The following GPR137B variants were observed in gnomAD, a reference collection of about 807,000 sequenced individuals.
The protein encoded by GPR137B is G protein-coupled receptor 137B.
GPR137B carries 42 observed loss-of-function variants against 42.5 expected under a neutral mutation model. That is an observed-to-expected ratio of 0.99 (90% CI 0.77 to 1.28). The LOEUF is 1.28. GPR137B is among the 50% of genes most tolerant of loss of function. GPR137B has a pLI of 0.00. For synonymous variants in GPR137B, 218 were observed against 209.7 expected, an observed-to-expected ratio of 1.04 and a Z score of -0.34; for missense variants, 487 against 493.9, an observed-to-expected ratio of 0.99 and a Z score of 0.13.
chr1:236,208,152 T>A lies in GPR137B; in HGVS notation c.1194T>A (p.Leu398=). The part of the protein sequence containing the change: ...DSTLDPDKPS[L]G The stretch of plus-strand genomic sequence containing the variant: ...CTTTGGATCCTGACAAACCAAGCCT[T>A]GGGTAGCATCAGTTAACAGTTTTAT... Residue 398 remains leucine, a synonymous_variant, in exon 7 of 7, where the codon CTT becomes CTA. Transcript: ENST00000366592. 6 of 1,613,750 alleles carry A rather than the reference T, an allele frequency of 3.7e-6. No individual in the cohort carries two copies. Among genetic ancestry groups the A allele is most frequent in the Non-Finnish European group, 5.1e-6 (6 of 1,179,756 alleles).
At chr1:236,158,402 C>T (rs1662094179) in intron 1 of GPR137B, among the ~76,000 whole-genome samples, 1 of 152,166 alleles carries the variant, frequency 6.6e-6, no homozygotes, top group Non-Finnish European at 1.5e-5. Flanking sequence ...CCAGCCTAGG[C>T]AACAAAAGTG....
rs1171796581 is a variant in GPR137B at position 236,150,207 on chromosome 1, GTGTCTGTGCCTGTGTGTGCCTGTGTA to G, written c.414+7182_414+7207del. On this transcript the variant is annotated intron_variant, in intron 1 of 6. Coordinates refer to ENST00000366592, the MANE Select transcript of GPR137B (RefSeq NM_003272.4). The surrounding 1 kb of genome is among the most constrained non-coding windows in gnomAD (Gnocchi z 6.2). ...TGTGTGTGTCTGTGTGCCTGTGTGT[GTGTCTGTGCCTGTGTGTGCCTGTGTA>G]TGTCTGTGCCCGTGTGTGTGCCTGT... Among the ~76,000 whole-genome samples, 2 of 150,064 alleles carry G rather than the reference GTGTCTGTGCCTGTGTGTGCCTGTGTA, an allele frequency of 1.3e-5. No individual in the cohort carries two copies. The highest frequency in any genetic ancestry group is 3.0e-5 in the Non-Finnish European group (2 of 67,562).
chr1:236,160,259 G>A (rs1396499962), intron 1 of GPR137B, among the ~76,000 whole-genome samples: 1 of 152,118 alleles, frequency 6.6e-6, no homozygotes, highest in Non-Finnish European at 1.5e-5. Flanking sequence ...GAAAAACCCC[G>A]GTGTTTTCAT....
At chr1:236,166,706 C>T (rs538050910) in intron 1 of GPR137B, among the ~76,000 whole-genome samples, 5 of 151,840 alleles carry the variant, frequency 3.3e-5, no homozygotes, top group Non-Finnish European at 4.4e-5. Flanking sequence ...TAGGAATGGC[C>T]GGGCACAGTG....
chr1:236,203,465 C>T (rs1298048404), intron 5 of GPR137B, among the ~76,000 whole-genome samples: 1 of 152,112 alleles, frequency 6.6e-6, no homozygotes, highest in Non-Finnish European at 1.5e-5. Context: ...TTGATTCTCC[C>T]AGTTTTGTTC....
chr1:236,172,490 C>T (rs1351999005), intron 2 of GPR137B, among the ~76,000 whole-genome samples: 1 of 152,206 alleles, frequency 6.6e-6, no homozygotes, highest in African/African-American at 2.4e-5. Flanking sequence ...CCTCTACCCT[C>T]CCACATCTGC....
At position 236,162,698 on chromosome 1, in the gene GPR137B, G is replaced by T. The variant is rs1475891435; in HGVS notation, c.415-6008G>T. ...CAGAGGGTGGAAGCCCCAAGCCTTG[G>T]CAGCTTCCATGTGTTATTGAGCCTG... On this transcript the variant is annotated intron_variant, in intron 1 of 6. Coordinates refer to ENST00000366592, the MANE Select transcript of GPR137B (RefSeq NM_003272.4). Among the ~76,000 whole-genome samples, 16 of 152,214 alleles carry T rather than the reference G, an allele frequency of 1.1e-4. 1 individual carries two copies. Among genetic ancestry groups the T allele is most frequent in the African/African-American group, 3.9e-4 (16 of 41,460 alleles).
At chr1:236,192,972 G>A (rs1663236904) in intron 5 of GPR137B, among the ~76,000 whole-genome samples, 1 of 151,990 alleles carries the variant, frequency 6.6e-6, no homozygotes, top group Non-Finnish European at 1.5e-5. Context: ...TCAGCTCACT[G>A]CAACCTCTGC....
At chr1:236,162,773 C>G (rs1662236330) in intron 1 of GPR137B, among the ~76,000 whole-genome samples, 1 of 152,220 alleles carries the variant, frequency 6.6e-6, no homozygotes, top group Admixed American at 6.5e-5. Context: ...CGCCTAGATT[C>G]CAGAAGATGT....
At chr1:236,180,161 A>C in intron 4 of GPR137B, 133 bp downstream of exon 4, 1 of 700,734 alleles carries the variant, frequency 1.4e-6, no homozygotes, top group Non-Finnish European at 2.6e-6. Flanking sequence ...TAGTATCTGC[A>C]TATAACCTAC....
At chr1:236,190,148 C>CTTCT (rs61093509) in intron 5 of GPR137B, among the ~76,000 whole-genome samples, 3,882 of 118,886 alleles carry the variant, frequency 0.033, 99 homozygotes, top group East Asian at 0.087. Context: ...CCTGCTTCTT[C>CTTCT]TTTTTTTTTT....
At chr1:236,188,727 G>T (rs10924662) in intron 5 of GPR137B, among the ~76,000 whole-genome samples, 50,495 of 151,958 alleles carry the variant, frequency 0.33, 8,973 homozygotes, top group East Asian at 0.61. Context: ...TTGCCAGTAC[G>T]TTATTGAGGA....
rs188758538 is a variant in GPR137B, at chr1:236,142,562, G to T, written c.-61G>T. 1,146 of 924,296 alleles carry T rather than the reference G, an allele frequency of 1.2e-3. 34 individuals carry two copies. In the East Asian group the frequency reaches 0.039, roughly 32 times the overall value. 57.3% of individuals were successfully genotyped at this position (924,296 alleles called of 1,614,324 possible). ...TTGTTTTCTTTCCTCCAGTCTCGGG[G>T]CTGCAGGCTGAGCGCGATGCGCGGA... On this transcript the variant is annotated 5_prime_UTR_variant, in exon 1 of 7. Transcript: ENST00000366592.
At chr1:236,144,084 GT>G (rs1246209346) in intron 1 of GPR137B, among the ~76,000 whole-genome samples, 2 of 85,654 alleles carry the variant, frequency 2.3e-5, no homozygotes, top group South Asian at 4.0e-4. Flanking sequence ...CCTTTTAAGT[GT>G]CTTTTTTTTT....
rs75547735 is a variant in GPR137B at position 236,153,202 on chromosome 1, C to T, written c.414+10166C>T. ...TCAGTACATTCACAGTATTGCGCAGCTGTCACCTCTATCTAGGTCCAGAAC... is the reference window on the plus strand; with the variant it reads ...TCAGTACATTCACAGTATTGCGCAGTTGTCACCTCTATCTAGGTCCAGAAC... On this transcript the variant is annotated intron_variant, in intron 1 of 6. Transcript: ENST00000366592. Among the ~76,000 whole-genome samples the T allele has an allele frequency of 7.9e-3, 1,209 of 152,310 alleles. 14 individuals are homozygous for T. Among genetic ancestry groups the T allele is most frequent in the Middle Eastern group, 0.061 (18 of 294 alleles).
Position 236,155,356 on chromosome 1 carries a change from A to G in GPR137B, c.414+12320A>G, listed in dbSNP as rs1661992144. Among the ~76,000 whole-genome samples the G allele has an allele frequency of 1.3e-5, 2 of 152,218 alleles. No homozygotes were observed. Among genetic ancestry groups the G allele is most frequent in the African/African-American group, 2.4e-5 (1 of 41,462 alleles). Reference sequence around the variant, plus strand: ...CGCAGATAGACACTGAGGCCTAGAAAGGTCGATGGAGCTAACCAGGAACCA... The same window carrying G: ...CGCAGATAGACACTGAGGCCTAGAAGGGTCGATGGAGCTAACCAGGAACCA... On this transcript the variant is annotated intron_variant, in intron 1 of 6. Coordinates refer to ENST00000366592, the MANE Select transcript of GPR137B (RefSeq NM_003272.4). This position sits in a 1 kb window ranked among gnomAD's most constrained non-coding sequence, Gnocchi z 4.6.
rs556343486 is a variant in GPR137B, at chr1:236,202,598, CTTCCCCTCAAAG to C, written c.967-2526_967-2515del. Reference sequence around the variant, plus strand: ...GTAAGCCCTATCTCCTATCCACCATCTTCCCCTCAAAGTATTTATATGTAAATAGAATAGATG... The same window carrying C: ...GTAAGCCCTATCTCCTATCCACCATCTATTTATATGTAAATAGAATAGATG... On this transcript the variant is annotated intron_variant, in intron 5 of 6. Coordinates refer to ENST00000366592, the MANE Select transcript of GPR137B (RefSeq NM_003272.4). Among the ~76,000 whole-genome samples the C allele has an allele frequency of 7.8e-4, 119 of 152,146 alleles. 1 individual carries two copies. Among genetic ancestry groups the C allele is most frequent in the African/African-American group, 2.7e-3 (112 of 41,410 alleles).
chr1:236,168,620 G>A, intron 1 of GPR137B, 86 bp from the exon 2 acceptor site: 1 of 986,708 alleles, frequency 1.0e-6, no homozygotes, highest in Non-Finnish European at 1.6e-6. Flanking sequence ...GGGGGATGAA[G>A]GGGCAGAGGA....
Position 236,178,785 on chromosome 1 carries a change from G to GT in GPR137B, c.687+179dup, listed in dbSNP as rs3082534. The GT allele has an allele frequency of 3.3e-3, 162 of 49,482 alleles. 20 individuals carry two copies. The highest frequency in any genetic ancestry group is 6.5e-3 in the South Asian group (22 of 3,380). 3.1% of individuals were successfully genotyped at this position (49,482 alleles called of 1,614,324 possible). On this transcript the variant is annotated intron_variant, in intron 3 of 6. Coordinates refer to ENST00000366592, the MANE Select transcript of GPR137B (RefSeq NM_003272.4). ...GTCTCCCACACAGGGGCTACTCGAGGTTTTTTTTTTTTTTTTTTTTTTTTT... is the reference window on the plus strand; with the variant it reads ...GTCTCCCACACAGGGGCTACTCGAGGTTTTTTTTTTTTTTTTTTTTTTTTTT...
Sources: allele counts gnomAD v4.1 joint callset (sites outside exome capture counted in the v4.1 genomes callset), GRCh38; gene constraint gnomAD v4.1.1; non-coding constraint Gnocchi (gnomAD v3.1); transcripts MANE v1.5; gene names NCBI Gene and HGNC (gene_info 2026-07-23, HGNC 2026-07-21).